XAF1: variants seen among roughly 807,000 people sequenced by gnomAD.
XAF1 encodes XIAP associated factor 1, also known as XIAP-associated factor 1.
XAF1 carries 32 observed loss-of-function variants against 32.3 expected under a neutral mutation model. The observed-to-expected ratio is 0.99, with a 90% CI of 0.75 to 1.33. The LOEUF is 1.33. Ranked by LOEUF, XAF1 falls within the 40% of genes most tolerant of loss-of-function variation. XAF1 has a pLI of 0.00. For missense variants in XAF1, 379 were observed against 366.0 expected (o/e 1.04, Z -0.29); for synonymous variants, 120 against 125.9 (o/e 0.95, Z 0.31).
At chr17:6,756,995 T>C (rs1317099031) in intron 1 of XAF1, among the ~76,000 whole-genome samples, 30 of 82,276 alleles carry the variant, frequency 3.6e-4, no homozygotes, top group Admixed American at 5.6e-4. Context: ...TCTTCTTCTT[T>C]TTTTTTTTTT....
chr17:6,771,689 A>G (rs1159830053), intron 6 of XAF1: 4 of 152,240 alleles, frequency 2.6e-5, no homozygotes, highest in African/African-American at 9.6e-5. Flanking sequence ...ACATGTATAT[A>G]GCTCCAAAGT....
At chr17:6,768,652 T>G (rs1235466031) in intron 5 of XAF1, among the ~76,000 whole-genome samples, 1 of 152,242 alleles carries the variant, frequency 6.6e-6, no homozygotes. Context: ...TTTTCTCTTA[T>G]CATTTTGAAG....
chr17:6,755,917 T>C (rs1475371835), upstream of XAF1: 13 of 1,474,712 alleles, frequency 8.8e-6, no homozygotes, highest in African/African-American at 1.7e-4. Flanking sequence ...AGGGGCTTCT[T>C]GGGAGGGTCC....
chr17:6,766,974 T>A (rs1010627864), intron 5 of XAF1, among the ~76,000 whole-genome samples: 8 of 152,196 alleles, frequency 5.3e-5, no homozygotes, highest in Admixed American at 2.0e-4. Flanking sequence ...TGATAGAACA[T>A]ATCCCCAAAT....
chr17:6,759,335 G>A (rs1224028002), intron 2 of XAF1: 1 of 1,303,000 alleles, frequency 7.7e-7, no homozygotes, highest in Non-Finnish European at 9.7e-7. Flanking sequence ...AAGAGAGGAT[G>A]TGAAAAAGGA....
intron 1 of XAF1, chr17:6,757,545 A>T (rs1299171687): frequency 7.5e-6 from 1 of 133,154 alleles, no homozygotes; most frequent in Non-Finnish European, 1.6e-5. Flanking sequence ...AACACTGTGG[A>T]CCAAACAGGG....
intron 6 of XAF1, 45 bp from the exon 7 acceptor site, chr17:6,773,068 T>G (rs1976174787): frequency 2.6e-6 from 4 of 1,533,014 alleles, no homozygotes; most frequent in South Asian, 1.2e-5. Context: ...GAGCTAGCAC[T>G]TCTTACTTTA....
Position 6,761,875 on chromosome 17 carries a change from C to G in XAF1, c.422-280C>G, listed in dbSNP as rs1189747341. 4 of 1,444,156 alleles carry G rather than the reference C, an allele frequency of 2.8e-6. No homozygotes were observed. The African/African-American group carries it at 4.2e-5, about 15-fold the overall frequency. 89.5% of individuals were successfully genotyped at this position (1,444,156 alleles called of 1,614,324 possible). The stretch of plus-strand genomic sequence containing the variant: ...TGGCATCCGTGGCTACAGCTCCATT[C>G]ATCTCCTTAGAAACCAGTCCTGATC... On this transcript the variant is annotated intron_variant, in intron 4 of 6. Transcript: ENST00000361842.
chr17:6,756,837 C>A (rs536955734), intron 1 of XAF1, among the ~76,000 whole-genome samples: 1 of 152,112 alleles, frequency 6.6e-6, no homozygotes, highest in Non-Finnish European at 1.5e-5. Flanking sequence ...TTTGACAGTC[C>A]CTCTCGGAGC....
upstream of XAF1, chr17:6,755,938 A>G (rs1171765778): frequency 1.3e-6 from 2 of 1,538,828 alleles, no homozygotes; most frequent in African/African-American, 2.7e-5. Context: ...AGCCTCAGGA[A>G]TCAAGGGGAA....
intron 5 of XAF1, among the ~76,000 whole-genome samples, chr17:6,765,278 T>C (rs901815889): frequency 1.3e-5 from 2 of 152,006 alleles, no homozygotes; most frequent in African/African-American, 4.8e-5. Flanking sequence ...CCGGGTGTGG[T>C]GGTGGGTGAC....
At position 6,756,211 on chromosome 17, in the gene XAF1, A is replaced by G. The variant is rs866164646; in HGVS notation, c.32+101A>G. 6.9e-6 allele frequency: 11 copies of G among 1,600,122 alleles called. 1 individual carries two copies. The highest frequency in any genetic ancestry group is 3.3e-4 in the Middle Eastern group (2 of 5,978). On this transcript the variant is annotated intron_variant, in intron 1 of 6. Transcript: ENST00000361842. ...AGGGAGCAGAAAGTGGTTCCTGCATAAGAACACTTAGGAGGACAAGCAGCT... is the reference window on the plus strand; with the variant it reads ...AGGGAGCAGAAAGTGGTTCCTGCATGAGAACACTTAGGAGGACAAGCAGCT...
intron 6 of XAF1, chr17:6,772,762 C>A (rs766104731): frequency 1.0e-5 from 2 of 193,564 alleles, no homozygotes; most frequent in Non-Finnish European, 2.1e-5. Context: ...TGAGCCACCA[C>A]GCCCAGCAAC....
chr17:6,756,394 G>A (rs1456294863), intron 1 of XAF1: 1 of 832,790 alleles, frequency 1.2e-6, no homozygotes, highest in Non-Finnish European at 1.7e-6. Flanking sequence ...GGTCCCAACT[G>A]GGCTACTCAT....
chr17:6,759,518 AGG>A, intron 2 of XAF1, 142 bp from the exon 3 acceptor site: 1 of 1,496,852 alleles, frequency 6.7e-7, no homozygotes, highest in Non-Finnish European at 8.9e-7. Flanking sequence ...AGAGACACTG[AGG>A]TAGCCACATC....
At chr17:6,755,817 C>G, upstream of XAF1, 1 of 1,316,790 alleles carries the variant, frequency 7.6e-7, no homozygotes, top group Non-Finnish European at 9.7e-7. Context: ...GGCCTGGCCT[C>G]AGGCTGCCAG....
chr17:6,756,270 A>C, intron 1 of XAF1, 160 bp downstream of exon 1: 1 of 1,393,014 alleles, frequency 7.2e-7, no homozygotes, highest in Non-Finnish European at 9.4e-7. Flanking sequence ...GGAGGGTTTA[A>C]ACTTGGTAAT....
Position 6,762,258 on chromosome 17 carries a change from AT to A in XAF1, c.507+22del. ...ACCATATGGTGAGTAGCACTTAGTA[AT>A]TTTCTAATGGTGCCAATAGTTCATC... On this transcript the variant is annotated intron_variant, in intron 5 of 6. Transcript: ENST00000361842. 2.5e-6 allele frequency: 4 copies of A among 1,582,804 alleles called. No individual in the cohort carries two copies. Among genetic ancestry groups the A allele is most frequent in the Non-Finnish European group, 3.4e-6 (4 of 1,163,372 alleles).
chr17:6,766,004 C>G (rs1422282212), intron 5 of XAF1, among the ~76,000 whole-genome samples: 2 of 152,168 alleles, frequency 1.3e-5, no homozygotes, highest in Non-Finnish European at 2.9e-5. Context: ...TCACTGGCCT[C>G]CTGATTGTTT....
Sources: gnomAD v4.1 joint callset for allele counts (sites outside exome capture counted in the v4.1 genomes callset) on GRCh38, gnomAD v4.1.1 for gene constraint, MANE v1.5 for transcripts, NCBI Gene and HGNC (gene_info 2026-07-23, HGNC 2026-07-21) for gene names.